Variants in NKAIN2 observed in about 807,000 individuals in gnomAD.
NKAIN2 encodes sodium/potassium transporting ATPase interacting 2, also known as sodium/potassium-transporting ATPase subunit beta-1-interacting protein 2.
In NKAIN2, 14 loss-of-function variants were observed where a neutral mutation model predicts 32.6. That is an observed-to-expected ratio of 0.43 (90% CI 0.28 to 0.67). NKAIN2 has a LOEUF of 0.67. NKAIN2 is among the 30% of genes least tolerant of loss of function. NKAIN2 has a pLI of 0.17. For synonymous variants in NKAIN2, 80 were observed against 87.2 expected (o/e 0.92, Z 0.46); for missense variants, 198 against 258.3 (o/e 0.77, Z 1.60).
intron 3 of NKAIN2, among the ~76,000 whole-genome samples, chr6:124,599,566 A>T (rs1215142015): frequency 1.3e-5 from 2 of 152,158 alleles, no homozygotes; most frequent in African/African-American, 2.4e-5. Flanking sequence ...TTGTACCCTG[A>T]GTACCCTTCA....
chr6:124,348,660 C>T (rs1005345906), intron 2 of NKAIN2, among the ~76,000 whole-genome samples: 1 of 152,196 alleles, frequency 6.6e-6, no homozygotes, highest in Non-Finnish European at 1.5e-5. Context: ...CAGCTCCCAG[C>T]ATGAGCGACG....
chr6:123,991,830 CCA>C (rs1779426187), intron 1 of NKAIN2, among the ~76,000 whole-genome samples: 2 of 152,092 alleles, frequency 1.3e-5, no homozygotes, highest in Middle Eastern at 3.4e-3. Flanking sequence ...CCACTGCACT[CCA>C]CAGCCTGGGC....
chr6:124,102,296 AGGTGCTCACTATT>A (rs1784922749), intron 1 of NKAIN2, among the ~76,000 whole-genome samples: 1 of 152,158 alleles, frequency 6.6e-6, no homozygotes, highest in African/African-American at 2.4e-5. Context: ...GGCCTAAACT[AGGTGCTCACTATT>A]GGGTTTGCCA....
At chr6:124,343,564 T>C (rs374487722) in intron 2 of NKAIN2, among the ~76,000 whole-genome samples, 26 of 152,184 alleles carry the variant, frequency 1.7e-4, no homozygotes, top group Non-Finnish European at 3.2e-4. Flanking sequence ...TTTTGATTTG[T>C]ATTTCTCTGA....
At chr6:124,432,556 C>T (rs748404707) in intron 3 of NKAIN2, among the ~76,000 whole-genome samples, 2 of 151,938 alleles carry the variant, frequency 1.3e-5, no homozygotes, top group East Asian at 1.9e-4. Context: ...TACAGTGAAC[C>T]GTGATTGTGT....
chr6:124,329,994 G>C (rs1019516086), intron 2 of NKAIN2, among the ~76,000 whole-genome samples: 5 of 152,166 alleles, frequency 3.3e-5, no homozygotes, highest in Non-Finnish European at 4.4e-5. Flanking sequence ...GGATGCAAGG[G>C]ATCCAATGTA....
intron 4 of NKAIN2, among the ~76,000 whole-genome samples, chr6:124,720,042 T>C (rs1466671366): frequency 1.3e-5 from 2 of 152,084 alleles, no homozygotes; most frequent in Non-Finnish European, 2.9e-5. Context: ...CATTCTTTCT[T>C]TAGAGGACTG....
At chr6:124,495,311 A>AT (rs556399547) in intron 3 of NKAIN2, among the ~76,000 whole-genome samples, 246 of 152,090 alleles carry the variant, frequency 1.6e-3, no homozygotes, top group African/African-American at 5.7e-3. Flanking sequence ...TGAATGTGAG[A>AT]TTTTTGCTTC....
At chr6:123,829,858 T>C (rs754417445) in intron 1 of NKAIN2, among the ~76,000 whole-genome samples, 5 of 152,186 alleles carry the variant, frequency 3.3e-5, no homozygotes, top group Non-Finnish European at 7.4e-5. Flanking sequence ...AACAGACCAG[T>C]AAACCCTGGC....
rs1411263756 is a variant in NKAIN2, at chr6:124,346,818, C to A, written c.193-8449C>A. 3.3e-5 allele frequency among the ~76,000 whole-genome samples: 5 copies of A among 151,878 alleles called. No individual in the cohort carries two copies. The East Asian group carries it at 9.7e-4, about 29-fold the overall frequency. On this transcript the variant is annotated intron_variant, in intron 2 of 6. Coordinates refer to ENST00000368417, the MANE Select transcript of NKAIN2 (RefSeq NM_001040214.3). ...GCCAGTCTGTGCCTTTTAATTGGAGCATTTAGTCCATTTACATTTAAAGTT... is the reference window on the plus strand; with the variant it reads ...GCCAGTCTGTGCCTTTTAATTGGAGAATTTAGTCCATTTACATTTAAAGTT...
At chr6:123,808,561 T>C (rs1330518449) in intron 1 of NKAIN2, among the ~76,000 whole-genome samples, 2 of 152,248 alleles carry the variant, frequency 1.3e-5, no homozygotes, top group Non-Finnish European at 2.9e-5. Context: ...TCTTCCAGTG[T>C]CCAACTCTTC....
intron 3 of NKAIN2, among the ~76,000 whole-genome samples, chr6:124,394,848 GAT>G (rs1773308001): frequency 6.6e-6 from 1 of 152,102 alleles, no homozygotes; most frequent in Non-Finnish European, 1.5e-5. Context: ...AATGTCTGAA[GAT>G]CTCTCGGCCC....
intron 3 of NKAIN2, among the ~76,000 whole-genome samples, chr6:124,434,816 G>A (rs332625): frequency 0.15 from 22,222 of 152,178 alleles, 2,009 homozygotes; most frequent in East Asian, 0.24. Flanking sequence ...CCCAAGCCAT[G>A]CCTTGTAGGG....
intron 3 of NKAIN2, among the ~76,000 whole-genome samples, chr6:124,358,975 T>C (rs2114261391): frequency 6.6e-6 from 1 of 151,442 alleles, no homozygotes; most frequent in Admixed American, 6.6e-5. Context: ...GGATCCAGTT[T>C]CAGCTTTCTC....
At chr6:124,686,154 G>A (rs1773868225) in intron 4 of NKAIN2, among the ~76,000 whole-genome samples, 1 of 151,910 alleles carries the variant, frequency 6.6e-6, no homozygotes, top group South Asian at 2.1e-4. Context: ...ATGGTCTTGT[G>A]GACTTCCTAA....
In NKAIN2 at chr6:124,802,204, C is replaced by A. The variant is rs553480086; in HGVS notation, c.535+10805C>A. On this transcript the variant is annotated intron_variant, in intron 5 of 6. Coordinates refer to ENST00000368417, the MANE Select transcript of NKAIN2 (RefSeq NM_001040214.3). ...GCACGCATGTTTTATTTTTTTATTT[C>A]CCTAAATATGCATATGTTAATGTAC... Among the ~76,000 whole-genome samples the A allele has an allele frequency of 8.2e-4, 125 of 152,078 alleles. 2 individuals carry two copies. The South Asian group carries it at 0.025, about 31-fold the overall frequency.
At chr6:123,938,451 T>TACACATACAC (rs1554226542) in intron 1 of NKAIN2, among the ~76,000 whole-genome samples, 6 of 81,332 alleles carry the variant, frequency 7.4e-5, no homozygotes, top group African/African-American at 4.1e-4. Context: ...TATATATATA[T>TACACATACAC]ACACACACAC....
rs746726734 is a variant in NKAIN2, at chr6:124,813,273, C to G, written c.536-5114C>G. Among the ~76,000 whole-genome samples the G allele has an allele frequency of 1.1e-4, 17 of 152,158 alleles. 1 individual carries two copies. The South Asian group carries it at 3.5e-3, about 32-fold the overall frequency. On this transcript the variant is annotated intron_variant, in intron 5 of 6. Transcript: ENST00000368417. ...GTTTCTGATAAGTTATTGTTTACAT[C>G]CAAATATTTCTACAGTATTAGATCA...
chr6:124,147,982 T>C (rs1787505380), intron 1 of NKAIN2, among the ~76,000 whole-genome samples: 1 of 152,182 alleles, frequency 6.6e-6, no homozygotes, highest in African/African-American at 2.4e-5. Flanking sequence ...TCTCTTTAGT[T>C]TCCACTGCAG....
Sources: allele counts gnomAD v4.1 joint callset (sites outside exome capture counted in the v4.1 genomes callset), GRCh38; gene constraint gnomAD v4.1.1; transcripts MANE v1.5; gene names NCBI Gene and HGNC (gene_info 2026-07-23, HGNC 2026-07-21).